The following AHNAK2 variants were observed in gnomAD, a reference collection of about 807,000 sequenced individuals.
The protein encoded by AHNAK2 is protein AHNAK2.
Under a neutral mutation model 30.7 loss-of-function variants are expected in AHNAK2, and 18 were observed. The ratio of observed to expected loss-of-function variants is 0.59; its 90% confidence interval spans 0.41 to 0.87. The LOEUF is 0.87. Ranked by LOEUF, AHNAK2 falls within the 40% of genes least tolerant of loss-of-function variation. The probability of loss-of-function intolerance (pLI) is 0.00; values close to 1 mark genes in which losing one functional copy is unlikely to be tolerated. For missense variants in AHNAK2, 8,604 were observed against 7,373.0 expected (o/e 1.17, Z -6.11); for synonymous variants, 3,590 against 3,073.8 (o/e 1.17, Z -5.56).
chr14:104,941,495 G>A lies in AHNAK2; in HGVS notation c.13956C>T (p.Ile4652=), dbSNP rs771880486. Residue 4652 remains isoleucine (I), a synonymous_variant, in exon 7 of 7, where the codon ATC becomes ATT. Coordinates refer to ENST00000333244, the MANE Select transcript of AHNAK2 (RefSeq NM_138420.4). ...TCTCATGGAATGTAACATTTCCTTC[G>A]ATTTCAGAGGAAGACATGGAAACTT... ...SKKVSMSSSE[I]EGNVTFHEKT... 2 of 1,612,866 alleles carry A rather than the reference G, an allele frequency of 1.2e-6. No homozygotes were observed. Among genetic ancestry groups the A allele is most frequent in the Non-Finnish European group, 1.7e-6 (2 of 1,179,762 alleles).
In AHNAK2 at chr14:104,970,981, G is replaced by A. The variant is rs1175263399; in HGVS notation, c.55+7202C>T. On this transcript the variant is annotated intron_variant, in intron 1 of 6. Coordinates refer to ENST00000333244, the MANE Select transcript of AHNAK2 (RefSeq NM_138420.4). Reference sequence around the variant, plus strand: ...TGGTCACTGGGCCAGTGACCTTGGGGCCTGGTCATCTGCCACCTGCCTGAG... The same window carrying A: ...TGGTCACTGGGCCAGTGACCTTGGGACCTGGTCATCTGCCACCTGCCTGAG... 3.9e-5 allele frequency among the ~76,000 whole-genome samples: 6 copies of A among 152,110 alleles called. No homozygotes were observed. In the East Asian group the frequency reaches 1.2e-3, roughly 29 times the overall value.
At chr14:104,973,967 C>G (rs764922750) in intron 1 of AHNAK2, among the ~76,000 whole-genome samples, 1 of 152,208 alleles carries the variant, frequency 6.6e-6, no homozygotes, top group African/African-American at 2.4e-5. Flanking sequence ...TACCGCCTCC[C>G]GCCCCAGCCC....
rs760605175 is a variant in AHNAK2, at chr14:104,943,500, C to T, written c.11951G>A (p.Gly3984Asp). 7 of 1,613,204 alleles carry T rather than the reference C, an allele frequency of 4.3e-6. No homozygotes were observed. The Admixed American group carries it at 1.2e-4, about 27-fold the overall frequency. ...KMPSFGVSAP[G>D]KSMEASVDVT... ...ATCCACTGATGCCTCCATGGACTTG[C>T]CTGGGGCAGACACCCCGAACGACGG... Residue 3984 changes from glycine (G) to aspartate (D), a missense_variant, in exon 7 of 7, where the codon GGC (glycine) becomes GAC (aspartate). Coordinates refer to ENST00000333244, the MANE Select transcript of AHNAK2 (RefSeq NM_138420.4).
rs776260613 is a variant in AHNAK2, at chr14:104,949,412, C to G, written c.6039G>C (p.Val2013=). Reference sequence around the variant, plus strand: ...CGTCGGCCTCCACCTTGGGTGCAGGCACATCCACCGAGGCCTCGATGGACC... The same window carrying G: ...CGTCGGCCTCCACCTTGGGTGCAGGGACATCCACCGAGGCCTCGATGGACC... ...PGRSIEASVD[V]PAPKVEADVS... Residue 2013 remains valine, a synonymous_variant, in exon 7 of 7, where the codon GTG becomes GTC. Transcript: ENST00000333244. The G allele has an allele frequency of 1.9e-6, 3 of 1,586,360 alleles. No individual in the cohort carries two copies.
In AHNAK2 at chr14:104,947,857, T is replaced by A. The variant is rs371553223; in HGVS notation, c.7594A>T (p.Ser2532Cys). 179 of 1,612,458 alleles carry A rather than the reference T, an allele frequency of 1.1e-4. 4 individuals carry two copies. In the African/African-American group the frequency reaches 2.0e-3, roughly 18 times the overall value. Residue 2532 changes from serine (S) to cysteine (C), a missense_variant, in exon 7 of 7, where the codon AGC (serine) becomes TGC (cysteine). Coordinates refer to ENST00000333244, the MANE Select transcript of AHNAK2 (RefSeq NM_138420.4). ...AGGTCAGCGGAAGGGGGCTGAATGC[T>A]GAGGTCAGTGGCCTTGAGGTCCCCC... ...MQGDLKATDLSIQPPSADLEV... is the reference protein window; with the variant it reads ...MQGDLKATDLCIQPPSADLEV...
In AHNAK2 at chr14:104,937,596, A is replaced by G. The variant is rs906576150; in HGVS notation, c.*467T>C. The G allele has an allele frequency of 2.6e-5, 4 of 156,788 alleles. No homozygotes were observed. The highest frequency in any genetic ancestry group is 9.6e-5 in the African/African-American group (4 of 41,516). The allele number at this position is 156,788 out of a possible 1,614,324, so 9.7% of individuals were successfully genotyped here. On this transcript the variant is annotated 3_prime_UTR_variant, in exon 7 of 7. Transcript: ENST00000333244. ...TAGGAAACAGTGTTTCCTGGAATAT[A>G]CCGCACTCTGCCTGAAATAGGAAAA... is the stretch of plus-strand genomic sequence containing the variant.
Position 104,946,752 on chromosome 14 carries a change from T to C in AHNAK2, c.8699A>G (p.Gln2900Arg), listed in dbSNP as rs763859172. 1.2e-6 allele frequency: 2 copies of C among 1,612,616 alleles called. No individual in the cohort carries two copies. The highest frequency in any genetic ancestry group is 1.7e-6 in the Non-Finnish European group (2 of 1,179,538). The change falls in exon 7 of 7, where the codon CAG (glutamine) becomes CGG (arginine). Residue 2900 changes from glutamine (Q) to arginine (R), a missense_variant. Coordinates refer to ENST00000333244, the MANE Select transcript of AHNAK2 (RefSeq NM_138420.4). ...TTTGGGCATCTTGAAACTGGGCATC[T>C]GCACCTTGGGCAGGTGCCCTTTGAG... ...AGLKGHLPKV[Q>R]MPSFKMPKVD...
Position 104,947,536 on chromosome 14 carries a change from T to A in AHNAK2, c.7915A>T (p.Lys2639Ter). Residue 2639 changes from lysine (K) to a stop codon, truncating the protein, a stop_gained, in exon 7 of 7, where the codon AAG (lysine) becomes TAG (stop). Coordinates refer to ENST00000333244, the MANE Select transcript of AHNAK2 (RefSeq NM_138420.4). LOFTEE classifies it low-confidence loss of function (END_TRUNC). ...TTGCTATCTTTGGCTGTCACACCCT[T>A]GTCGGCCAGGGACAGGTCCCCCTCC... ...RLEGDLSLADKGVTAKDSKFK... is the reference protein window; with the variant it reads ...RLEGDLSLAD The A allele has an allele frequency of 6.2e-7, 1 of 1,612,488 alleles. No homozygotes were observed. The highest frequency in any genetic ancestry group is 8.5e-7 in the Non-Finnish European group (1 of 1,179,566).
intron 1 of AHNAK2, among the ~76,000 whole-genome samples, chr14:104,977,756 C>T (rs185180201): frequency 3.7e-4 from 56 of 152,314 alleles, no homozygotes; most frequent in African/African-American, 1.3e-3. Context: ...CCGGCTTTCA[C>T]GCCCCTTGCA....
In AHNAK2 at chr14:104,951,929, C is replaced by T; in HGVS notation, c.3522G>A (p.Gly1174=). 2.5e-6 allele frequency: 4 copies of T among 1,610,436 alleles called. No homozygotes were observed. Among genetic ancestry groups the T allele is most frequent in the Non-Finnish European group, 3.4e-6 (4 of 1,178,666 alleles). Residue 1174 remains glycine, a synonymous_variant, in exon 7 of 7, where the codon GGG becomes GGA. Transcript: ENST00000333244. ...KMPKFKMPSF[G]ASAPGKSIEA... ...CGATGGACTTGCCTGGGGCTGACGC[C>T]CCGAACGATGGCATCTTGAACTTGG...
chr14:104,963,605 C>T (rs568101848), intron 1 of AHNAK2, among the ~76,000 whole-genome samples: 86 of 152,104 alleles, frequency 5.7e-4, no homozygotes, highest in African/African-American at 1.6e-3. Flanking sequence ...CCGAGGCGGG[C>T]GGATCACGAG....
In AHNAK2 at chr14:104,943,454, C is replaced by G. The variant is rs746194652; in HGVS notation, c.11997G>C (p.Glu3999Asp). 6.2e-7 allele frequency: 1 copy of G among 1,613,070 alleles called. No homozygotes were observed. The highest frequency in any genetic ancestry group is 2.2e-5 in the East Asian group (1 of 44,776). The change falls in exon 7 of 7, where the codon GAG (glutamate) becomes GAC (aspartate). Residue 3999 changes from glutamate to aspartate, a missense_variant. Glu to Asp is a conservative substitution (Grantham distance 45, BLOSUM62 2). Coordinates refer to ENST00000333244, the MANE Select transcript of AHNAK2 (RefSeq NM_138420.4). ...GCATGGAAGGGAGGCTCACGTCGGC[C>G]TCCACCTTTGGCGCGGTCACATCCA... ...ASVDVTAPKVEADVSLPSMQG... is the reference protein window; with the variant it reads ...ASVDVTAPKVDADVSLPSMQG...
Position 104,948,124 on chromosome 14 carries a change from C to G in AHNAK2, c.7327G>C (p.Glu2443Gln), listed in dbSNP as rs200781097. Residue 2443 changes from glutamate to glutamine, a missense_variant, in exon 7 of 7, where the codon GAG becomes CAG. Coordinates refer to ENST00000333244, the MANE Select transcript of AHNAK2 (RefSeq NM_138420.4). ...PKTDVMAPDV[E>Q]VSQPSVEVDV... ...ACCTCCACGCTGGGCTGAGACACCT[C>G]CACGTCGGGGGCCATCACGTCCGTC... 1.2e-4 allele frequency: 188 copies of G among 1,612,626 alleles called. 6 individuals carry two copies. The African/African-American group carries it at 1.6e-3, about 14-fold the overall frequency.
At position 104,954,554 on chromosome 14, in the gene AHNAK2, G is replaced by A. The variant is rs1244148530; in HGVS notation, c.897C>T (p.Asp299=). 6.2e-7 allele frequency: 1 copy of A among 1,609,276 alleles called. No individual in the cohort carries two copies. The highest frequency in any genetic ancestry group is 2.2e-5 in the East Asian group (1 of 44,788). The change falls in exon 7 of 7, where the codon GAC becomes GAT. Residue 299 remains aspartate (D), a synonymous_variant. Transcript: ENST00000333244. This position sits in a 1 kb window ranked among gnomAD's most constrained non-coding sequence, Gnocchi z 4.3. ...GCTCCACCGTGAGCTGGGCCTCTGT[G>A]TCTGTGCTTGTAGGGGACACGTCAT... is the stretch of plus-strand genomic sequence containing the variant. The part of the protein sequence containing the change: ...DAHDVSPTST[D]TEAQLTVERQ...
rs1899650833 is a variant in AHNAK2 at position 104,978,347 on chromosome 14, C to A, written c.-110G>T. 2.5e-5 allele frequency: 20 copies of A among 810,016 alleles called. No individual in the cohort carries two copies. The highest frequency in any genetic ancestry group is 3.0e-5 in the Non-Finnish European group (20 of 657,652). The allele number at this position is 810,016 out of a possible 1,614,324, so 50.2% of individuals were successfully genotyped here. On this transcript the variant is annotated 5_prime_UTR_variant, in exon 1 of 7. Coordinates refer to ENST00000333244, the MANE Select transcript of AHNAK2 (RefSeq NM_138420.4). ...AGCCGCGCTCTGCCCCGCTGCCCTG[C>A]GCTGCCGCGGGCGGCCGACCTCGGA...
At position 104,950,905 on chromosome 14, in the gene AHNAK2, C is replaced by G. The variant is rs764762669; in HGVS notation, c.4546G>C (p.Val1516Leu). ...SAPGKSIEAS[V>L]DVSAPKVEAD... ...TCCACCTTCGGCGCAGACACATCCACTGAGGCCTCGATGGACTTGCCTGGG... is the reference window on the plus strand; with the variant it reads ...TCCACCTTCGGCGCAGACACATCCAGTGAGGCCTCGATGGACTTGCCTGGG... Residue 1516 changes from valine (V) to leucine (L), a missense_variant, in exon 7 of 7, where the codon GTG (valine) becomes CTG (leucine). Val to Leu is a conservative substitution (Grantham distance 32). Coordinates refer to ENST00000333244, the MANE Select transcript of AHNAK2 (RefSeq NM_138420.4). 163 of 1,563,150 alleles carry G rather than the reference C, an allele frequency of 1.0e-4. 14 individuals are homozygous for G. The Middle Eastern group carries it at 3.7e-3, about 36-fold the overall frequency.
In AHNAK2 at chr14:104,941,744, C is replaced by T. The variant is rs746193800; in HGVS notation, c.13707G>A (p.Lys4569=). ...GGCCTTTCAGGTCCAGCTTGGGGCC[C>T]TTGACGTCCACCTGGGGGCCCTTGA... ...VDLKGPQVDV[K]GPKLDLKGPK... is the part of the protein sequence containing the mutation. The change falls in exon 7 of 7, where the codon AAG becomes AAA. Residue 4569 remains lysine, a synonymous_variant. Transcript: ENST00000333244. The T allele has an allele frequency of 6.2e-7, 1 of 1,612,874 alleles. No individual in the cohort carries two copies. Among genetic ancestry groups the T allele is most frequent in the Admixed American group, 1.7e-5 (1 of 59,928 alleles).
chr14:104,944,209 G>A lies in AHNAK2; in HGVS notation c.11242C>T (p.Leu3748=), dbSNP rs1453513941. The A allele has an allele frequency of 6.2e-7, 1 of 1,613,034 alleles. No individual in the cohort carries two copies. The highest frequency in any genetic ancestry group is 1.3e-5 in the African/African-American group (1 of 74,680). The part of the protein sequence containing the change: ...GPQVDIKGPK[L]DLKVSKAEVT... ...TCCGCCTTGGAGACTTTTAGGTCCA[G>A]CTTGGGGCCCTTGATGTCCACCTGG... is the stretch of plus-strand genomic sequence containing the variant. Residue 3748 remains leucine (L), a synonymous_variant, in exon 7 of 7, where the codon CTG becomes TTG. Coordinates refer to ENST00000333244, the MANE Select transcript of AHNAK2 (RefSeq NM_138420.4).
rs1897846823 is a variant in AHNAK2 at position 104,937,741 on chromosome 14, C to T, written c.*322G>A. The T allele has an allele frequency of 6.6e-6, 2 of 301,510 alleles. No individual in the cohort carries two copies. The highest frequency in any genetic ancestry group is 6.1e-5 in the East Asian group (1 of 16,454). The allele number at this position is 301,510 out of a possible 1,614,324, so 18.7% of individuals were successfully genotyped here. ...GTCATGTTCTGTTGGGTATTATGGA[C>T]AGGTCTCTGGAAATTTATCTAATAA... On this transcript the variant is annotated 3_prime_UTR_variant, in exon 7 of 7. Coordinates refer to ENST00000333244, the MANE Select transcript of AHNAK2 (RefSeq NM_138420.4).
Sources: allele counts gnomAD v4.1 joint callset (sites outside exome capture counted in the v4.1 genomes callset), GRCh38; gene constraint gnomAD v4.1.1; non-coding constraint Gnocchi (gnomAD v3.1); transcripts MANE v1.5; gene names NCBI Gene and HGNC (gene_info 2026-07-23, HGNC 2026-07-21).